The following GPR155 variants were observed in gnomAD, a reference collection of about 807,000 sequenced individuals.
GPR155 encodes lysosomal cholesterol signaling protein.
A neutral mutation model predicts 93.1 loss-of-function variants in GPR155; 65 were observed. The observed-to-expected ratio is 0.70, with a 90% CI of 0.57 to 0.86. The LOEUF (loss-of-function observed/expected upper bound fraction) is 0.86. Among genes scored for constraint, GPR155 ranks in the 40% least tolerant of loss-of-function variants. The pLI is 0.00. For synonymous variants in GPR155, 319 were observed against 360.1 expected, an observed-to-expected ratio of 0.89 and a Z score of 1.29; for missense variants, 838 against 1,034.8, an observed-to-expected ratio of 0.81 and a Z score of 2.61.
At chr2:174,480,629 A>T (rs1688291126) in intron 2 of GPR155, among the ~76,000 whole-genome samples, 2 of 152,236 alleles carry the variant, frequency 1.3e-5, no homozygotes, top group African/African-American at 4.8e-5. Flanking sequence ...ATAGAAACAT[A>T]AAATTAGGCT....
chr2:174,433,183 TATCTG>T lies in GPR155; in HGVS notation c.*2928_*2932del, dbSNP rs1351847171. ...GACACTTAAAGTATAATTAAATAAA[TATCTG>T]AAACGTTTAAAATAAGTTAAACTAG... On this transcript the variant is annotated 3_prime_UTR_variant, in exon 16 of 16. Transcript: ENST00000392552. The T allele has an allele frequency of 6.6e-6, 1 of 152,220 alleles. No individual in the cohort carries two copies. The highest frequency in any genetic ancestry group is 1.5e-5 in the Non-Finnish European group (1 of 68,040). The allele number at this position is 152,220 out of a possible 1,614,324, so 9.4% of individuals were successfully genotyped here.
At position 174,473,373 on chromosome 2, in the gene GPR155, C is replaced by T; in HGVS notation, c.461-9G>A. 1 of 1,529,566 alleles carries T rather than the reference C, an allele frequency of 6.5e-7. No individual in the cohort carries two copies. The highest frequency in any genetic ancestry group is 8.9e-7 in the Non-Finnish European group (1 of 1,126,746). 94.7% of individuals were successfully genotyped at this position (1,529,566 alleles called of 1,614,324 possible). A position where few individuals can be genotyped will look rare whatever the true frequency, so the allele number is the denominator to read the frequency against. ...TTGATATAAAGCTTCAACTGCAAAACAAGAATATTGATTTTTAAATGATGA... is the reference window on the plus strand; with the variant it reads ...TTGATATAAAGCTTCAACTGCAAAATAAGAATATTGATTTTTAAATGATGA... On this transcript the variant is annotated splice_polypyrimidine_tract_variant and intron_variant, in intron 2 of 15. Coordinates refer to ENST00000392552, the MANE Select transcript of GPR155 (RefSeq NM_152529.7).
chr2:174,437,502 C>T (rs901251438), intron 15 of GPR155, among the ~76,000 whole-genome samples: 1 of 151,512 alleles, frequency 6.6e-6, no homozygotes, highest in African/African-American at 2.4e-5. Context: ...ACACCACATT[C>T]GACAAAAGCC....
intron 7 of GPR155, 63 bp downstream of exon 7, chr2:174,465,722 G>C: frequency 2.5e-6 from 2 of 808,542 alleles, no homozygotes; most frequent in East Asian, 2.4e-5. Flanking sequence ...TAGAAGCTCA[G>C]GGCTATTAGG....
rs1229963629 is a variant in GPR155 at position 174,433,364 on chromosome 2, A to G, written c.*2752T>C. The G allele has an allele frequency of 6.6e-6, 1 of 152,218 alleles. No homozygotes were observed. Among genetic ancestry groups the G allele is most frequent in the Non-Finnish European group, 1.5e-5 (1 of 68,040 alleles). 9.4% of individuals were successfully genotyped at this position (152,218 alleles called of 1,614,324 possible). Reference sequence around the variant, plus strand: ...GAAACCTAATCCTCAATCATGTTTAACATCTGTTTTTCACAGGAGAATAGA... The same window carrying G: ...GAAACCTAATCCTCAATCATGTTTAGCATCTGTTTTTCACAGGAGAATAGA... On this transcript the variant is annotated 3_prime_UTR_variant, in exon 16 of 16. Transcript: ENST00000392552.
chr2:174,475,450 ATTATGTAACC>A (rs1158487010), intron 2 of GPR155, among the ~76,000 whole-genome samples: 6 of 152,214 alleles, frequency 3.9e-5, no homozygotes, highest in African/African-American at 1.4e-4. Context: ...ATATAACTAG[ATTATGTAACC>A]TTTAGAAGGT....
chr2:174,438,264 G>C (rs1053773706), intron 15 of GPR155, among the ~76,000 whole-genome samples: 2 of 152,040 alleles, frequency 1.3e-5, no homozygotes, highest in African/African-American at 4.8e-5. Flanking sequence ...ACCAGCCCAT[G>C]GAGCTGTACA....
intron 14 of GPR155, 149 bp downstream of exon 14, chr2:174,441,970 A>G (rs1686979746): frequency 3.4e-6 from 2 of 588,016 alleles, no homozygotes; most frequent in South Asian, 1.9e-5. Context: ...CTGGTCTTGA[A>G]CTCCTGAGTT....
intron 7 of GPR155, among the ~76,000 whole-genome samples, chr2:174,463,577 A>C (rs568896755): frequency 6.6e-6 from 1 of 152,186 alleles, no homozygotes; most frequent in Admixed American, 6.5e-5. Flanking sequence ...GTCCAAATGA[A>C]ATGGTAGTTT....
At position 174,434,084 on chromosome 2, in the gene GPR155, C is replaced by T. The variant is rs1686706982; in HGVS notation, c.*2032G>A. On this transcript the variant is annotated 3_prime_UTR_variant, in exon 16 of 16. Transcript: ENST00000392552. ...CAAGCAATTTTCCTGCCTCAGCCTCCTGGGTAGCTGGGATTACAGGTGCAC... is the reference window on the plus strand; with the variant it reads ...CAAGCAATTTTCCTGCCTCAGCCTCTTGGGTAGCTGGGATTACAGGTGCAC... The T allele has an allele frequency of 6.6e-6, 1 of 150,968 alleles. No individual in the cohort carries two copies. The highest frequency in any genetic ancestry group is 2.4e-5 in the African/African-American group (1 of 40,976). 9.4% of individuals were successfully genotyped at this position (150,968 alleles called of 1,614,324 possible).
At chr2:174,437,566 T>C (rs963080196) in intron 15 of GPR155, among the ~76,000 whole-genome samples, 5 of 149,552 alleles carry the variant, frequency 3.3e-5, no homozygotes, top group African/African-American at 7.4e-5. Flanking sequence ...TTTTTATTTA[T>C]GGCCTAACAC....
Position 174,481,907 on chromosome 2 carries a change from G to C in GPR155, c.50C>G (p.Thr17Ser). The change falls in exon 2 of 16, where the codon ACC becomes AGC. Residue 17 changes from threonine to serine, a missense_variant. Thr to Ser is a moderately conservative substitution (Grantham distance 58, BLOSUM62 1). Around this residue, in one of 3 missense-constraint regions of GPR155, gnomAD observed 663 missense variants for 790.1 expected, o/e 0.84. Coordinates refer to ENST00000392552, the MANE Select transcript of GPR155 (RefSeq NM_152529.7). ...AENLTIAVNM[T>S]KTLPTAVTHG... Reference sequence around the variant, plus strand: ...CGTTACTGCTGTAGGCAAAGTCTTGGTCATATTGACTGCAATGGTTAAGTT... The same window carrying C: ...CGTTACTGCTGTAGGCAAAGTCTTGCTCATATTGACTGCAATGGTTAAGTT... The C allele has an allele frequency of 3.7e-6, 6 of 1,614,078 alleles. 1 individual carries two copies. Among genetic ancestry groups the C allele is most frequent in the Non-Finnish European group, 3.4e-6 (4 of 1,179,990 alleles).
At chr2:174,469,264 G>C (rs556895972) in intron 4 of GPR155, among the ~76,000 whole-genome samples, 197 bp from the exon 5 acceptor site, 1 of 152,020 alleles carries the variant, frequency 6.6e-6, no homozygotes, top group Non-Finnish European at 1.5e-5. Context: ...GAGTTACCTT[G>C]GTTCCTCTTC....
chr2:174,470,421 A>G lies in GPR155; in HGVS notation c.995T>C (p.Phe332Ser), dbSNP rs755258189. ...TACTTCCATGTTGAATTGTGTTGCAAAGATAGCCACTCCTGGTGCTACAGG... is the reference window on the plus strand; with the variant it reads ...TACTTCCATGTTGAATTGTGTTGCAGAGATAGCCACTCCTGGTGCTACAGG... ...VFPVAPGVAI[F>S]ATQFNMEVEI... The change falls in exon 4 of 16, where the codon TTT (phenylalanine) becomes TCT (serine). Residue 332 changes from phenylalanine to serine, a missense_variant. Physicochemically the swap from Phe to Ser is radical, Grantham distance 155 (BLOSUM62 -2). Around this residue, in one of 3 missense-constraint regions of GPR155, gnomAD observed 663 missense variants for 790.1 expected, o/e 0.84. Transcript: ENST00000392552. 12 of 1,613,778 alleles carry G rather than the reference A, an allele frequency of 7.4e-6. No individual in the cohort carries two copies. Among genetic ancestry groups the G allele is most frequent in the Non-Finnish European group, 4.2e-6 (5 of 1,179,738 alleles).
intron 1 of GPR155, among the ~76,000 whole-genome samples, chr2:174,485,673 A>G (rs1241456812): frequency 6.6e-6 from 1 of 152,174 alleles, no homozygotes; most frequent in Non-Finnish European, 1.5e-5. Context: ...TATAAAAGAA[A>G]TACCTGCTGA....
At chr2:174,482,388 G>A (rs1193361230) in intron 1 of GPR155, among the ~76,000 whole-genome samples, 5 of 152,120 alleles carry the variant, frequency 3.3e-5, no homozygotes, top group East Asian at 1.9e-4. Context: ...CATAGTCTCC[G>A]CTGAATGTCC....
At position 174,454,487 on chromosome 2, in the gene GPR155, T is replaced by C. The variant is rs1481777620; in HGVS notation, c.1772-646A>G. The stretch of plus-strand genomic sequence containing the variant: ...GGGTAATACAGCAAGACTCTGTCTT[T>C]ACAAAAAGCTTTTTAAAAAATAGCT... On this transcript the variant is annotated intron_variant, in intron 10 of 15. Transcript: ENST00000392552. Among the ~76,000 whole-genome samples, 6 of 152,190 alleles carry C rather than the reference T, an allele frequency of 3.9e-5. No individual in the cohort carries two copies. In the South Asian group the frequency reaches 1.2e-3, roughly 32 times the overall value.
At chr2:174,466,296 A>C (rs1687835834) in intron 6 of GPR155, among the ~76,000 whole-genome samples, 1 of 152,198 alleles carries the variant, frequency 6.6e-6, no homozygotes, top group Non-Finnish European at 1.5e-5. Context: ...TTAATGATTA[A>C]ATTGTTTCTA....
intron 14 of GPR155, among the ~76,000 whole-genome samples, chr2:174,440,265 T>C (rs1357214792): frequency 1.3e-5 from 2 of 152,184 alleles, no homozygotes; most frequent in Non-Finnish European, 2.9e-5. Context: ...CAAAGCATAC[T>C]GGGGTGGAAG....
Sources: allele counts gnomAD v4.1 joint callset (sites outside exome capture counted in the v4.1 genomes callset), GRCh38; gene constraint gnomAD v4.1.1; regional missense constraint gnomAD v4.1.1; transcripts MANE v1.5; gene names NCBI Gene and HGNC (gene_info 2026-07-23, HGNC 2026-07-21).